The following CLSTN2 variants were observed in gnomAD, a reference collection of about 807,000 sequenced individuals.
The protein encoded by CLSTN2 is calsyntenin 2, also known as calsyntenin-2.
In CLSTN2, 48 loss-of-function variants were observed where a neutral mutation model predicts 101.2. The ratio of observed to expected loss-of-function variants is 0.47; its 90% CI spans 0.38 to 0.60. The LOEUF (loss-of-function observed/expected upper bound fraction) is 0.60, where lower values mean the gene tolerates loss of function less well. CLSTN2 is among the 20% of genes least tolerant of loss of function. The pLI, the probability that CLSTN2 is intolerant of heterozygous loss-of-function variation, is 0.00. For synonymous variants in CLSTN2, 481 were observed against 463.6 expected, an observed-to-expected ratio of 1.04 and a Z score of -0.48; for missense variants, 1,160 against 1,238.2, an observed-to-expected ratio of 0.94 and a Z score of 0.95.
chr3:140,263,091 CCAATGAGAAGACTG>C (rs1296204044), intron 2 of CLSTN2, among the ~76,000 whole-genome samples: 1 of 149,216 alleles, frequency 6.7e-6, no homozygotes, highest in Non-Finnish European at 1.5e-5. Flanking sequence ...AAAACATTAC[CCAATGAGAAGACTG>C]CAAGGGAAGT....
intron 10 of CLSTN2, among the ~76,000 whole-genome samples, chr3:140,552,027 A>T (rs907083155): frequency 1.3e-5 from 2 of 152,080 alleles, no homozygotes; most frequent in African/African-American, 2.4e-5. Flanking sequence ...AATATGGACC[A>T]TGGGCAGGCA....
intron 1 of CLSTN2, among the ~76,000 whole-genome samples, chr3:140,158,863 G>C (rs2010000977): frequency 6.6e-6 from 1 of 152,124 alleles, no homozygotes; most frequent in Non-Finnish European, 1.5e-5. Context: ...CAAGAACCTG[G>C]ATATAAAGCC....
At chr3:140,326,384 A>G (rs770895975) in intron 2 of CLSTN2, among the ~76,000 whole-genome samples, 29 of 152,208 alleles carry the variant, frequency 1.9e-4, no homozygotes, top group Non-Finnish European at 3.4e-4. Context: ...TATCTGTTGT[A>G]TGCCTAAGGC....
intron 8 of CLSTN2, among the ~76,000 whole-genome samples, chr3:140,480,297 A>C (rs572243528): frequency 6.6e-6 from 1 of 152,324 alleles, no homozygotes; most frequent in East Asian, 1.9e-4. Flanking sequence ...ATGGCTGCAT[A>C]GTATTCCATG....
intron 2 of CLSTN2, among the ~76,000 whole-genome samples, chr3:140,191,114 T>C (rs1370801985): frequency 6.6e-6 from 1 of 152,144 alleles, no homozygotes; most frequent in Non-Finnish European, 1.5e-5. Context: ...GTGAGGTTTT[T>C]TTAAAAAGTA....
intron 8 of CLSTN2, among the ~76,000 whole-genome samples, chr3:140,504,584 G>A (rs1442185940): frequency 6.6e-6 from 1 of 152,176 alleles, no homozygotes; most frequent in East Asian, 1.9e-4. Context: ...AACAGTGCAG[G>A]TTGGATGGAA....
chr3:140,465,855 C>T (rs751684364), intron 7 of CLSTN2, among the ~76,000 whole-genome samples: 5 of 152,150 alleles, frequency 3.3e-5, no homozygotes, highest in East Asian at 1.9e-4. Flanking sequence ...ATGGAACACG[C>T]GCCTCCTGGT....
intron 2 of CLSTN2, among the ~76,000 whole-genome samples, chr3:140,203,262 T>C (rs189885097): frequency 2.0e-5 from 3 of 151,886 alleles, no homozygotes; most frequent in East Asian, 3.9e-4. Flanking sequence ...AACCTGGAGG[T>C]CATGGGTGAC....
intron 1 of CLSTN2, among the ~76,000 whole-genome samples, chr3:140,044,321 C>T (rs2007822893): frequency 6.6e-6 from 1 of 152,128 alleles, no homozygotes; most frequent in Non-Finnish European, 1.5e-5. Flanking sequence ...CATGATTTGG[C>T]TCTCTGTTTG....
intron 1 of CLSTN2, among the ~76,000 whole-genome samples, chr3:140,051,748 C>T (rs1384840252): frequency 2.6e-5 from 4 of 152,142 alleles, no homozygotes. Flanking sequence ...TGTCATTGGT[C>T]TGGAATGTGG....
chr3:139,949,973 T>C (rs1239430852), intron 1 of CLSTN2, among the ~76,000 whole-genome samples: 1 of 152,226 alleles, frequency 6.6e-6, no homozygotes, highest in African/African-American at 2.4e-5. Context: ...AAGTTTTTAA[T>C]TGGAAAAGCT....
chr3:140,498,308 A>C (rs1476681372), intron 8 of CLSTN2, among the ~76,000 whole-genome samples: 3 of 152,174 alleles, frequency 2.0e-5, no homozygotes, highest in Admixed American at 1.3e-4. Flanking sequence ...TGGCAGGGGC[A>C]TGAATTCTGC....
chr3:140,095,349 C>T (rs2107787600), intron 1 of CLSTN2, among the ~76,000 whole-genome samples: 1 of 152,328 alleles, frequency 6.6e-6, no homozygotes, highest in African/African-American at 2.4e-5. Flanking sequence ...GTATGGCCCT[C>T]CTTTATTTCG....
At chr3:140,005,045 G>A (rs1033376952) in intron 1 of CLSTN2, among the ~76,000 whole-genome samples, 1 of 152,122 alleles carries the variant, frequency 6.6e-6, no homozygotes, top group Admixed American at 6.5e-5. Context: ...AAAGAGTGGT[G>A]GTCTGTGGCT....
At chr3:140,152,565 T>C (rs1348488152) in intron 1 of CLSTN2, among the ~76,000 whole-genome samples, 7 of 152,142 alleles carry the variant, frequency 4.6e-5, no homozygotes, top group South Asian at 2.1e-4. Flanking sequence ...CCAAACCCAA[T>C]AGTTAGTAAA....
intron 2 of CLSTN2, among the ~76,000 whole-genome samples, chr3:140,180,258 G>C (rs145057782): frequency 2.5e-4 from 38 of 152,324 alleles, no homozygotes; most frequent in African/African-American, 8.2e-4. Context: ...GAACAGGCTA[G>C]CCTGGGGTTG....
At chr3:140,321,232 G>T (rs953182049) in intron 2 of CLSTN2, among the ~76,000 whole-genome samples, 1 of 152,114 alleles carries the variant, frequency 6.6e-6, no homozygotes, top group African/African-American at 2.4e-5. Context: ...GTTAGAAAGG[G>T]TCTAGCCCTG....
intron 2 of CLSTN2, among the ~76,000 whole-genome samples, chr3:140,327,427 G>T (rs1319037101): frequency 6.6e-6 from 1 of 152,170 alleles, no homozygotes; most frequent in Non-Finnish European, 1.5e-5. Flanking sequence ...GGACCCCAAA[G>T]GTGGCTTGTA....
chr3:140,502,117 G>A (rs1472693805), intron 8 of CLSTN2, among the ~76,000 whole-genome samples: 2 of 152,174 alleles, frequency 1.3e-5, no homozygotes, highest in African/African-American at 4.8e-5. Flanking sequence ...AGCAGGCTGT[G>A]CTTATGGTGG....
Sources: allele counts gnomAD v4.1 joint callset (sites outside exome capture counted in the v4.1 genomes callset), GRCh38; gene constraint gnomAD v4.1.1; transcripts MANE v1.5; gene names NCBI Gene and HGNC (gene_info 2026-07-23, HGNC 2026-07-21).